ARFGEF3: variants seen among roughly 807,000 people sequenced by gnomAD.
The protein encoded by ARFGEF3 is brefeldin A-inhibited guanine nucleotide-exchange protein 3.
ARFGEF3 carries 96 observed loss-of-function variants against 221.7 expected under a neutral mutation model. That is an observed-to-expected ratio of 0.43 (90% CI 0.37 to 0.51). The LOEUF (loss-of-function observed/expected upper bound fraction) is 0.51, where lower values mean the gene tolerates loss of function less well. ARFGEF3 is among the 20% of genes least tolerant of loss of function. The pLI, the probability that ARFGEF3 is intolerant of heterozygous loss-of-function variation, is 0.00. For missense variants in ARFGEF3, 2,410 were observed against 2,789.9 expected (o/e 0.86, Z 3.07); for synonymous variants, 1,145 against 1,126.8 (o/e 1.02, Z -0.32).
At chr6:138,290,537 A>G (rs966607945) in intron 18 of ARFGEF3, among the ~76,000 whole-genome samples, 2 of 152,266 alleles carry the variant, frequency 1.3e-5, no homozygotes, top group Non-Finnish European at 2.9e-5. Context: ...AGTGAGTTAT[A>G]TAGTGCACAG....
At chr6:138,227,208 C>T (rs934875731) in intron 4 of ARFGEF3, among the ~76,000 whole-genome samples, 3 of 152,056 alleles carry the variant, frequency 2.0e-5, no homozygotes, top group Non-Finnish European at 4.4e-5. Context: ...GGGAGGTCTC[C>T]CTCTACATAT....
At chr6:138,234,129 TGA>T (rs1173493851) in intron 5 of ARFGEF3, among the ~76,000 whole-genome samples, 3 of 152,204 alleles carry the variant, frequency 2.0e-5, no homozygotes, top group Non-Finnish European at 4.4e-5. Flanking sequence ...GCATGGCTTG[TGA>T]AGAAGTTGTT....
At chr6:138,178,374 C>A (rs1233517882) in intron 2 of ARFGEF3, among the ~76,000 whole-genome samples, 3 of 152,156 alleles carry the variant, frequency 2.0e-5, no homozygotes, top group African/African-American at 7.2e-5. Flanking sequence ...ATGTTCTGGG[C>A]TGCTCTCTTC....
Position 138,332,896 on chromosome 6 carries a change from A to AAAGTT in ARFGEF3, c.5124-1071_5124-1067dup, listed in dbSNP as rs1178148378. On this transcript the variant is annotated intron_variant, in intron 32 of 33. Coordinates refer to ENST00000251691, the MANE Select transcript of ARFGEF3 (RefSeq NM_020340.5). ...CCTCAGTGAGGACTACACAAAGGGC[A>AAAGTT]AAGTTAACATTGAGATTTATGCAGG... 4.6e-5 allele frequency among the ~76,000 whole-genome samples: 7 copies of AAAGTT among 152,352 alleles called. No homozygotes were observed. In the South Asian group the frequency reaches 1.2e-3, roughly 27 times the overall value.
At position 138,335,161 on chromosome 6, in the gene ARFGEF3, G is replaced by A. The variant is rs1304464742; in HGVS notation, c.6315G>A (p.Ser2105=). 5.1e-6 allele frequency: 8 copies of A among 1,562,304 alleles called. No individual in the cohort carries two copies. The highest frequency in any genetic ancestry group is 1.4e-5 in the African/African-American group (1 of 72,864). The part of the protein sequence containing the change: ...SGSTGSSLSV[S]VRDAEAQIQA... ...CCACCGGGAGCTCCCTCAGTGTCTC[G>A]GTGAGAGACGCAGAAGCACAGATCC... Residue 2105 remains serine, a synonymous_variant, in exon 33 of 34, where the codon TCG becomes TCA. Transcript: ENST00000251691.
chr6:138,216,579 T>A (rs1777866936), intron 4 of ARFGEF3: 1 of 152,222 alleles, frequency 6.6e-6, no homozygotes, highest in Non-Finnish European at 1.5e-5. Flanking sequence ...TTAGTTTTGA[T>A]GTTCTTAACT....
chr6:138,176,695 T>C (rs1396370616), intron 2 of ARFGEF3, among the ~76,000 whole-genome samples: 1 of 151,944 alleles, frequency 6.6e-6, no homozygotes. Flanking sequence ...AATCCTTTGA[T>C]TGCTTTATAA....
chr6:138,228,527 G>A (rs994470151), intron 4 of ARFGEF3, among the ~76,000 whole-genome samples: 6 of 151,902 alleles, frequency 3.9e-5, no homozygotes, highest in Admixed American at 3.9e-4. Context: ...CTTGGATTAA[G>A]TCCCTTTAAG....
At chr6:138,202,877 T>TAC (rs978764226) in intron 2 of ARFGEF3, among the ~76,000 whole-genome samples, 21 of 150,244 alleles carry the variant, frequency 1.4e-4, no homozygotes, top group South Asian at 4.2e-4. Context: ...CACATACACC[T>TAC]ACACACACAC....
intron 20 of ARFGEF3, 118 bp from the exon 21 acceptor site, chr6:138,296,692 C>A: frequency 1.6e-6 from 2 of 1,215,330 alleles, no homozygotes; most frequent in Non-Finnish European, 2.3e-6. Flanking sequence ...CCTTGGTTAG[C>A]CAATATCGAA....
chr6:138,188,896 A>G (rs951479118), intron 2 of ARFGEF3, among the ~76,000 whole-genome samples: 1 of 152,210 alleles, frequency 6.6e-6, no homozygotes, highest in Non-Finnish European at 1.5e-5. Flanking sequence ...CCCAAGGCCT[A>G]TTTTTAAAGA....
At chr6:138,271,936 A>G (rs1779010199) in intron 12 of ARFGEF3, among the ~76,000 whole-genome samples, 1 of 152,194 alleles carries the variant, frequency 6.6e-6, no homozygotes, top group Non-Finnish European at 1.5e-5. Flanking sequence ...TCAAGAACAC[A>G]GAAACCTCTG....
At position 138,340,404 on chromosome 6, in the gene ARFGEF3, C is replaced by T. The variant is rs1399385964; in HGVS notation, c.*3918C>T. On this transcript the variant is annotated 3_prime_UTR_variant, in exon 34 of 34. Transcript: ENST00000251691. ...TAGCCTTCGCTGTGAGACGGTAATGCAGTTATATAATAGATACCCTTGACT... is the reference window on the plus strand; with the variant it reads ...TAGCCTTCGCTGTGAGACGGTAATGTAGTTATATAATAGATACCCTTGACT... 6.6e-6 allele frequency: 1 copy of T among 152,152 alleles called. No homozygotes were observed. The highest frequency in any genetic ancestry group is 2.4e-5 in the African/African-American group (1 of 41,436). The allele number at this position is 152,152 out of a possible 1,614,324, so 9.4% of individuals were successfully genotyped here.
At chr6:138,205,667 G>A (rs1777612021) in intron 2 of ARFGEF3, among the ~76,000 whole-genome samples, 1 of 152,234 alleles carries the variant, frequency 6.6e-6, no homozygotes, top group Non-Finnish European at 1.5e-5. Flanking sequence ...CCAACTGGAT[G>A]TAACAGAGTT....
At chr6:138,241,662 C>T (rs1301221913) in intron 6 of ARFGEF3, among the ~76,000 whole-genome samples, 3 of 152,150 alleles carry the variant, frequency 2.0e-5, no homozygotes, top group South Asian at 2.1e-4. Context: ...CAGTTATCAA[C>T]TGGAAAGACA....
chr6:138,218,465 A>G (rs1229686014), intron 4 of ARFGEF3: 22 of 1,461,016 alleles, frequency 1.5e-5, no homozygotes, highest in South Asian at 4.5e-5. Context: ...TTATACATCA[A>G]TTAGCCACCT....
chr6:138,323,871 G>A, intron 30 of ARFGEF3, 98 bp downstream of exon 30: 3 of 1,539,936 alleles, frequency 1.9e-6, no homozygotes, highest in Non-Finnish European at 2.7e-6. Context: ...CCTCCTCTGA[G>A]CAGGCAGTCT....
At chr6:138,281,937 T>TTTGG (rs1478524846) in intron 14 of ARFGEF3, among the ~76,000 whole-genome samples, 1 of 152,050 alleles carries the variant, frequency 6.6e-6, no homozygotes, top group Non-Finnish European at 1.5e-5. Flanking sequence ...GGGTTTTTTG[T>TTTGG]TTGGTTGGTT....
intron 31 of ARFGEF3, among the ~76,000 whole-genome samples, chr6:138,325,814 T>C (rs1386709730): frequency 6.6e-6 from 1 of 152,202 alleles, no homozygotes; most frequent in Non-Finnish European, 1.5e-5. Flanking sequence ...AGTGAATCTT[T>C]CACTTCTTTT....
Sources: allele counts gnomAD v4.1 joint callset (sites outside exome capture counted in the v4.1 genomes callset), GRCh38; gene constraint gnomAD v4.1.1; transcripts MANE v1.5; gene names NCBI Gene and HGNC (gene_info 2026-07-23, HGNC 2026-07-21).